FMN2: variants seen among roughly 807,000 people sequenced by gnomAD.
The protein encoded by FMN2 is formin-2.
FMN2 carries 51 observed loss-of-function variants against 142.3 expected under a neutral mutation model. That is an observed-to-expected ratio of 0.36 (90% CI 0.29 to 0.45). The LOEUF is 0.45. FMN2 is among the 20% of genes least tolerant of loss of function. The pLI, the probability that FMN2 is intolerant of heterozygous loss-of-function variation, is 1.00. For synonymous variants in FMN2, 882 were observed against 869.8 expected (o/e 1.01, Z -0.25); for missense variants, 1,936 against 2,122.8 (o/e 0.91, Z 1.73).
At chr1:240,467,658 G>A (rs560135402) in intron 16 of FMN2, among the ~76,000 whole-genome samples, 1 of 152,272 alleles carries the variant, frequency 6.6e-6, no homozygotes, top group East Asian at 1.9e-4. Flanking sequence ...AAGGGGGCAA[G>A]TTTCCATTAT....
At chr1:240,136,237 C>T (rs1403057517) in intron 2 of FMN2, among the ~76,000 whole-genome samples, 11 of 151,998 alleles carry the variant, frequency 7.2e-5, no homozygotes, top group Non-Finnish European at 1.0e-4. Flanking sequence ...GAGGGCAAAA[C>T]GGGTGATGTT....
intron 2 of FMN2, among the ~76,000 whole-genome samples, chr1:240,142,504 TTG>T (rs1491155450): frequency 8.7e-5 from 13 of 148,884 alleles, no homozygotes; most frequent in African/African-American, 2.2e-4. Context: ...TTTATATTTT[TTG>T]GGGGGGGATA....
At chr1:240,391,825 CA>C (rs71638662) in intron 14 of FMN2, among the ~76,000 whole-genome samples, 34,782 of 139,514 alleles carry the variant, frequency 0.25, 4,297 homozygotes, top group East Asian at 0.39. Flanking sequence ...GCTTACTTGT[CA>C]AAAAAAAAAA....
chr1:240,455,068 C>T (rs1303424964), intron 16 of FMN2, among the ~76,000 whole-genome samples: 1 of 151,890 alleles, frequency 6.6e-6, no homozygotes, highest in Non-Finnish European at 1.5e-5. Context: ...TCACTCACAG[C>T]ACACTTTGCC....
At chr1:240,179,766 T>A (rs1234653525) in intron 3 of FMN2, 2 of 153,106 alleles carry the variant, frequency 1.3e-5, no homozygotes, top group Non-Finnish European at 2.9e-5. Context: ...ACAAAATACT[T>A]AGGGGTAGAT....
rs200939079 is a variant in FMN2 at position 240,283,212 on chromosome 1, TA to T, written c.4154-11608del. Among the ~76,000 whole-genome samples the T allele has an allele frequency of 9.9e-3, 1,509 of 152,292 alleles. 24 individuals are homozygous for T. Among genetic ancestry groups the T allele is most frequent in the African/African-American group, 0.034 (1,432 of 41,550 alleles). ...AACAGTAATTGAAATAAATAAAAAT[TA>T]AGGCAGCCCTGAAAATAAAAATGAG... On this transcript the variant is annotated intron_variant, in intron 7 of 17. Transcript: ENST00000319653.
chr1:240,383,570 A>G (rs540024804), intron 14 of FMN2, among the ~76,000 whole-genome samples: 1 of 152,204 alleles, frequency 6.6e-6, no homozygotes, highest in Non-Finnish European at 1.5e-5. Context: ...TAGAATGGCT[A>G]TTATTAGCAA....
chr1:240,437,655 G>A (rs1208961224), intron 15 of FMN2, among the ~76,000 whole-genome samples: 1 of 152,072 alleles, frequency 6.6e-6, no homozygotes, highest in African/African-American at 2.4e-5. Flanking sequence ...TAGTGTATAA[G>A]CAATATAATA....
intron 7 of FMN2, among the ~76,000 whole-genome samples, chr1:240,267,438 A>G (rs1668854809): frequency 6.6e-6 from 1 of 151,990 alleles, no homozygotes; most frequent in Non-Finnish European, 1.5e-5. Flanking sequence ...TAATGACGAG[A>G]ACACGTGGAC....
chr1:240,139,926 T>A (rs1663108345), intron 2 of FMN2, among the ~76,000 whole-genome samples: 1 of 151,998 alleles, frequency 6.6e-6, no homozygotes, highest in Admixed American at 6.6e-5. Context: ...AGAGGGTGAA[T>A]GGTAGAAAGG....
intron 13 of FMN2, among the ~76,000 whole-genome samples, chr1:240,353,416 C>T (rs147011406): frequency 1.1e-4 from 16 of 152,222 alleles, no homozygotes; most frequent in Admixed American, 6.5e-4. Flanking sequence ...GAATTTAAAC[C>T]CTGTCTGCTA....
intron 4 of FMN2, among the ~76,000 whole-genome samples, chr1:240,202,439 G>A (rs1367044479): frequency 1.3e-5 from 2 of 152,034 alleles, no homozygotes; most frequent in Non-Finnish European, 2.9e-5. Context: ...TGTAGAAAGA[G>A]GTGTAATAAT....
intron 6 of FMN2, among the ~76,000 whole-genome samples, chr1:240,227,617 A>C (rs1667357797): frequency 6.6e-6 from 1 of 152,214 alleles, no homozygotes. Flanking sequence ...TCAATGGAAT[A>C]TATTTGAGAG....
chr1:240,428,453 C>T (rs1675033623), intron 15 of FMN2, among the ~76,000 whole-genome samples: 1 of 152,104 alleles, frequency 6.6e-6, no homozygotes, highest in African/African-American at 2.4e-5. Flanking sequence ...TCTCAAACTC[C>T]TGGCTTGAAG....
At chr1:240,451,722 A>G (rs529543090) in intron 16 of FMN2, among the ~76,000 whole-genome samples, 2 of 152,228 alleles carry the variant, frequency 1.3e-5, no homozygotes, top group South Asian at 4.1e-4. Context: ...TAAGCCTGAT[A>G]TAGTAAAATA....
At chr1:240,144,464 A>G (rs1663345549) in intron 2 of FMN2, 1 of 1,570,042 alleles carries the variant, frequency 6.4e-7, no homozygotes, top group Non-Finnish European at 8.8e-7. Context: ...ACTCAGCTCC[A>G]GGAACACCCC....
intron 15 of FMN2, among the ~76,000 whole-genome samples, chr1:240,437,667 A>C (rs1290790448): frequency 6.6e-6 from 1 of 152,108 alleles, no homozygotes; most frequent in Non-Finnish European, 1.5e-5. Flanking sequence ...AATATAATAT[A>C]GATATGGACT....
intron 15 of FMN2, among the ~76,000 whole-genome samples, chr1:240,413,401 C>T (rs1674480179): frequency 6.6e-6 from 1 of 151,962 alleles, no homozygotes; most frequent in Non-Finnish European, 1.5e-5. Flanking sequence ...AACTGAAGAG[C>T]ATCCTGGGCA....
intron 1 of FMN2, among the ~76,000 whole-genome samples, chr1:240,113,565 A>C (rs2103199266): frequency 6.6e-6 from 1 of 151,426 alleles, no homozygotes; most frequent in African/African-American, 2.4e-5. Context: ...CTCAAAAAAA[A>C]AAAAAAAAAA....
Sources: gnomAD v4.1 joint callset for allele counts (sites outside exome capture counted in the v4.1 genomes callset) on GRCh38, gnomAD v4.1.1 for gene constraint, MANE v1.5 for transcripts, NCBI Gene and HGNC (gene_info 2026-07-23, HGNC 2026-07-21) for gene names.